The following LYPD6B variants were observed in gnomAD, a reference collection of about 807,000 sequenced individuals.
LYPD6B encodes LY6/PLAUR domain containing 6B.
Under a neutral mutation model 22.8 loss-of-function variants are expected in LYPD6B, and 17 were observed. That is an observed-to-expected ratio of 0.75 (90% CI 0.51 to 1.12). The LOEUF (loss-of-function observed/expected upper bound fraction) is 1.12. Ranked by LOEUF, LYPD6B falls within the 50% of genes most tolerant of loss-of-function variation. The probability of loss-of-function intolerance (pLI) is 0.00; values close to 1 mark genes in which losing one functional copy is unlikely to be tolerated. For synonymous variants in LYPD6B, 106 were observed against 91.6 expected (o/e 1.16, Z -0.90); for missense variants, 221 against 258.3 (o/e 0.86, Z 0.99).
At chr2:149,136,383 A>G (rs1221143114) in intron 2 of LYPD6B, among the ~76,000 whole-genome samples, 1 of 152,242 alleles carries the variant, frequency 6.6e-6, no homozygotes, top group Non-Finnish European at 1.5e-5. Flanking sequence ...GGCTTTTGGT[A>G]GAAGCTTACA....
At chr2:149,072,003 T>C (rs1240237576) in intron 1 of LYPD6B, among the ~76,000 whole-genome samples, 1 of 152,148 alleles carries the variant, frequency 6.6e-6, no homozygotes, top group Non-Finnish European at 1.5e-5. Context: ...GCAATCTCAT[T>C]TCACTACAAC....
intron 1 of LYPD6B, among the ~76,000 whole-genome samples, chr2:149,092,474 T>C (rs1345791279): frequency 6.6e-6 from 1 of 152,142 alleles, no homozygotes; most frequent in Non-Finnish European, 1.5e-5. Flanking sequence ...GAGTAACATA[T>C]TCACATCTGA....
intron 1 of LYPD6B, among the ~76,000 whole-genome samples, chr2:149,070,541 C>T (rs1684555201): frequency 6.6e-6 from 1 of 152,120 alleles, no homozygotes; most frequent in Non-Finnish European, 1.5e-5. Flanking sequence ...GGAAGAGTGC[C>T]TGGATCATCA....
chr2:149,187,701 A>G, intron 3 of LYPD6B: 1 of 458,322 alleles, frequency 2.2e-6, no homozygotes, highest in Non-Finnish European at 3.8e-6. Flanking sequence ...TGGACCACAC[A>G]TAAAATACGC....
At chr2:149,146,839 A>C (rs1478285409) in intron 2 of LYPD6B, among the ~76,000 whole-genome samples, 2 of 152,182 alleles carry the variant, frequency 1.3e-5, no homozygotes, top group African/African-American at 4.8e-5. Flanking sequence ...CCTTGCGCTT[A>C]CCTGCCGGAA....
At chr2:149,060,059 G>A (rs1433436819) in intron 1 of LYPD6B, among the ~76,000 whole-genome samples, 1 of 152,146 alleles carries the variant, frequency 6.6e-6, no homozygotes, top group African/African-American at 2.4e-5. Context: ...GTCAGGACAG[G>A]ATAATCAGGC....
rs35803068 is a variant in LYPD6B, at chr2:149,080,841, C to CAA, written c.-67+42065_-67+42066dup. ...TGGGTAACAGAGCAAGACTCTATCT[C>CAA]AAAAAAAAAAAAAAAAAAAAAAAAA... On this transcript the variant is annotated intron_variant, in intron 1 of 6. Transcript: ENST00000409642. Among the ~76,000 whole-genome samples the CAA allele has an allele frequency of 1.7e-3, 79 of 46,194 alleles. 2 individuals carry two copies. Among genetic ancestry groups the CAA allele is most frequent in the African/African-American group, 6.6e-3 (70 of 10,586 alleles). 30.3% of individuals were successfully genotyped at this position (46,194 alleles called of 152,430 possible).
intron 1 of LYPD6B, among the ~76,000 whole-genome samples, chr2:149,082,753 T>C (rs111498085): frequency 6.6e-5 from 10 of 152,330 alleles, no homozygotes; most frequent in African/African-American, 1.9e-4. Flanking sequence ...TGAAATCATT[T>C]GGGGCTCCTC....
At chr2:149,104,653 A>G (rs576398050) in intron 1 of LYPD6B, among the ~76,000 whole-genome samples, 142 of 152,296 alleles carry the variant, frequency 9.3e-4, no homozygotes, top group African/African-American at 3.3e-3. Flanking sequence ...ATCTTTTATT[A>G]TAATCTGTGG....
intron 2 of LYPD6B, among the ~76,000 whole-genome samples, chr2:149,152,777 C>G (rs1689459558): frequency 1.3e-5 from 2 of 152,110 alleles, no homozygotes; most frequent in South Asian, 4.1e-4. Flanking sequence ...GAGTAAGCTG[C>G]CTAAGAAGGA....
At chr2:149,102,566 G>A (rs1350666908) in intron 1 of LYPD6B, among the ~76,000 whole-genome samples, 2 of 152,064 alleles carry the variant, frequency 1.3e-5, no homozygotes, top group Non-Finnish European at 2.9e-5. Context: ...AGGAGGGAGG[G>A]CAGCTATTTG....
chr2:149,111,434 G>A lies in LYPD6B; in HGVS notation c.-66-19449G>A, dbSNP rs145059298. 3.9e-3 allele frequency among the ~76,000 whole-genome samples: 598 copies of A among 152,244 alleles called. 4 individuals carry two copies. The highest frequency in any genetic ancestry group is 0.014 in the African/African-American group (572 of 41,552). On this transcript the variant is annotated intron_variant, in intron 1 of 6. Transcript: ENST00000409642. ...AGTCTGATTTGGGATATATTTAGAA[G>A]TTAGAGCTAGCAGCATTTGCTGATG... is the stretch of plus-strand genomic sequence containing the variant.
chr2:149,076,333 T>C (rs1684877552), intron 1 of LYPD6B, among the ~76,000 whole-genome samples: 1 of 152,182 alleles, frequency 6.6e-6, no homozygotes, highest in African/African-American at 2.4e-5. Context: ...GATTTTCTTC[T>C]TAAAGAGAAT....
intron 1 of LYPD6B, among the ~76,000 whole-genome samples, chr2:149,084,552 G>A (rs976964004): frequency 1.3e-5 from 2 of 152,272 alleles, no homozygotes; most frequent in Non-Finnish European, 2.9e-5. Flanking sequence ...GTTACTCCAA[G>A]AATCCCTGGG....
At chr2:149,156,974 T>C (rs1257830936) in intron 2 of LYPD6B, among the ~76,000 whole-genome samples, 1 of 152,208 alleles carries the variant, frequency 6.6e-6, no homozygotes, top group Non-Finnish European at 1.5e-5. Flanking sequence ...TGAATTAACT[T>C]AATCACACTT....
chr2:149,084,744 A>G (rs1685309200), intron 1 of LYPD6B, among the ~76,000 whole-genome samples: 1 of 152,250 alleles, frequency 6.6e-6, no homozygotes, highest in Non-Finnish European at 1.5e-5. Flanking sequence ...TAATAAGGAC[A>G]TTCTGTTGAC....
intron 1 of LYPD6B, among the ~76,000 whole-genome samples, chr2:149,052,301 C>T (rs369024657): frequency 5.3e-5 from 8 of 152,204 alleles, no homozygotes; most frequent in South Asian, 2.1e-4. Context: ...ATGATCCGCC[C>T]GCCTCAGCAT....
chr2:149,154,894 C>T (rs760050777), intron 2 of LYPD6B, among the ~76,000 whole-genome samples: 1 of 151,974 alleles, frequency 6.6e-6, no homozygotes, highest in Non-Finnish European at 1.5e-5. Context: ...TCGCGAAATA[C>T]TCACAATCCA....
At chr2:149,156,089 G>A (rs567640479) in intron 2 of LYPD6B, among the ~76,000 whole-genome samples, 1 of 152,280 alleles carries the variant, frequency 6.6e-6, no homozygotes, top group South Asian at 2.1e-4. Context: ...GAGAAATGAG[G>A]ACATGATTTC....
Sources: gnomAD v4.1 joint callset for allele counts (sites outside exome capture counted in the v4.1 genomes callset) on GRCh38, gnomAD v4.1.1 for gene constraint, MANE v1.5 for transcripts, NCBI Gene and HGNC (gene_info 2026-07-23, HGNC 2026-07-21) for gene names.